The following OVCH2 variants were observed in gnomAD, a reference collection of about 807,000 sequenced individuals.
OVCH2 encodes the protein ovochymase-2.
Under a neutral mutation model 73.7 loss-of-function variants are expected in OVCH2, and 88 were observed. The ratio of observed to expected loss-of-function variants is 1.19; its 90% CI spans 1.01 to 1.43. OVCH2 has a LOEUF of 1.43. Ranked by LOEUF, OVCH2 falls within the 40% of genes most tolerant of loss-of-function variation. OVCH2 has a pLI of 0.00. For synonymous variants in OVCH2, 265 were observed against 234.5 expected, an observed-to-expected ratio of 1.13 and a Z score of -1.19; for missense variants, 706 against 674.5, an observed-to-expected ratio of 1.05 and a Z score of -0.52.
chr11:7,704,478 C>G (rs113993026), intron 2 of OVCH2, 87 bp downstream of exon 2: 1 of 895,210 alleles, frequency 1.1e-6, no homozygotes. Context: ...GCTGTAGGCT[C>G]CTCAAAGATA....
At chr11:7,693,293 G>A (rs1199011946) in intron 12 of OVCH2, among the ~76,000 whole-genome samples, 1 of 152,160 alleles carries the variant, frequency 6.6e-6, no homozygotes, top group African/African-American at 2.4e-5. Context: ...GTGGGGAGGG[G>A]GACCTGTATC....
At chr11:7,706,113 C>T in intron 1 of OVCH2, 194 bp downstream of exon 1, 3 of 541,468 alleles carry the variant, frequency 5.5e-6, no homozygotes, top group Non-Finnish European at 9.6e-6. Context: ...TAGTTGCATT[C>T]TATAAATGTT....
At chr11:7,700,130 T>C (rs1856407067) in intron 7 of OVCH2, 166 bp downstream of exon 7, 1 of 653,192 alleles carries the variant, frequency 1.5e-6, no homozygotes, top group Non-Finnish European at 2.6e-6. Context: ...CATATTTTAC[T>C]CTTGTTTTAT....
downstream of OVCH2, among the ~76,000 whole-genome samples, chr11:7,684,801 G>A (rs542694040): frequency 3.5e-4 from 53 of 152,224 alleles, 1 homozygote; most frequent in Admixed American, 1.0e-3. Context: ...GGAGCTTCCT[G>A]AGGAGGAACT....
downstream of OVCH2, among the ~76,000 whole-genome samples, chr11:7,688,075 G>T (rs527879368): frequency 1.1e-4 from 16 of 152,154 alleles, no homozygotes; most frequent in Non-Finnish European, 2.1e-4. Context: ...TCAGTCCACA[G>T]CAAAACCTAA....
At chr11:7,696,889 C>G (rs1856347283) in intron 8 of OVCH2, 90 bp from the exon 9 acceptor site, 1 of 1,176,012 alleles carries the variant, frequency 8.5e-7, no homozygotes, top group Non-Finnish European at 1.2e-6. Context: ...CCATAGCCTC[C>G]TGGTTCTTCT....
intron 7 of OVCH2, chr11:7,699,247 G>T (rs1456431157): frequency 6.4e-6 from 1 of 156,108 alleles, no homozygotes; most frequent in African/African-American, 2.4e-5. Flanking sequence ...CACCAGATAA[G>T]AAAACAATTA....
chr11:7,705,132 T>C (rs1309688250), intron 1 of OVCH2, among the ~76,000 whole-genome samples: 1 of 152,176 alleles, frequency 6.6e-6, no homozygotes, highest in South Asian at 2.1e-4. Flanking sequence ...GGATTAGAAC[T>C]AGCCTTGCTT....
At chr11:7,684,322 T>A in the OVCH2 span, among the ~76,000 whole-genome samples, 1 of 152,106 alleles carries the variant, frequency 6.6e-6, no homozygotes, top group South Asian at 2.1e-4. Flanking sequence ...CATAGCCTCT[T>A]GTTGAGTCGG....
chr11:7,698,282 G>T (rs1403073359), intron 8 of OVCH2, among the ~76,000 whole-genome samples: 1 of 152,152 alleles, frequency 6.6e-6, no homozygotes, highest in Admixed American at 6.5e-5. Flanking sequence ...AACAACTAAA[G>T]ATTTGAACTA....
chr11:7,691,132 T>C, intron 14 of OVCH2, 137 bp downstream of exon 14: 2 of 1,097,324 alleles, frequency 1.8e-6, no homozygotes, highest in Non-Finnish European at 2.6e-6. Context: ...TTATTCAGTG[T>C]CCATGGTGAC....
downstream of OVCH2, among the ~76,000 whole-genome samples, chr11:7,687,152 A>G (rs1856150374): frequency 6.6e-6 from 1 of 151,994 alleles, no homozygotes; most frequent in Admixed American, 6.6e-5. Flanking sequence ...AAAAGAATAT[A>G]TTTTCAGGGG....
chr11:7,700,437 T>C lies in OVCH2; in HGVS notation c.760A>G (p.Thr254Ala). 2 of 1,611,586 alleles carry C rather than the reference T, an allele frequency of 1.2e-6. No individual in the cohort carries two copies. The highest frequency in any genetic ancestry group is 1.7e-6 in the Non-Finnish European group (2 of 1,178,912). ...LMCRNKKGAWTLAGVTSWGLG... is the reference protein window; with the variant it reads ...LMCRNKKGAWALAGVTSWGLG... ...CCCCAGGAAGTCACACCAGCCAGAG[T>C]CCAGGCCCCTTTCTTATTCCGGCAC... is the stretch of plus-strand genomic sequence containing the variant. The change falls in exon 7 of 16, where the codon ACT becomes GCT. Residue 254 changes from threonine (T) to alanine (A), a missense_variant. By Grantham distance (58) the Thr-to-Ala change is moderately conservative. Coordinates refer to ENST00000533663, the MANE Select transcript of OVCH2 (RefSeq NM_198185.7).
chr11:7,700,818 A>T (rs1308992850), intron 6 of OVCH2, among the ~76,000 whole-genome samples: 1 of 152,198 alleles, frequency 6.6e-6, no homozygotes, highest in Non-Finnish European at 1.5e-5. Context: ...GGAAGAATGG[A>T]GGAAAAGTGT....
chr11:7,685,272 G>A (rs573822912), downstream of OVCH2, among the ~76,000 whole-genome samples: 1 of 152,302 alleles, frequency 6.6e-6, no homozygotes, highest in East Asian at 1.9e-4. Flanking sequence ...GCCTATGGGA[G>A]CAGACTTGTA....
chr11:7,698,474 C>A (rs933607742), intron 8 of OVCH2, among the ~76,000 whole-genome samples: 1 of 152,152 alleles, frequency 6.6e-6, no homozygotes, highest in Non-Finnish European at 1.5e-5. Flanking sequence ...CTGACCACAT[C>A]GGCACTGCCT....
chr11:7,702,155 AC>A lies in OVCH2; in HGVS notation c.463+1del. 1 of 1,603,334 alleles carries A rather than the reference AC, an allele frequency of 6.2e-7. No homozygotes were observed. Among genetic ancestry groups the A allele is most frequent in the African/African-American group, 1.3e-5 (1 of 74,580 alleles). ...AATTCAGTATGATCCTCAAATGTTT[AC>A]CAAATTGGAAGGCTCCAGCCATCTT... On this transcript the variant is annotated splice_donor_variant, in intron 4 of 15. Coordinates refer to ENST00000533663, the MANE Select transcript of OVCH2 (RefSeq NM_198185.7). LOFTEE classifies it high-confidence loss of function.
chr11:7,692,465 G>T (rs1045891850), intron 12 of OVCH2, among the ~76,000 whole-genome samples: 1 of 152,134 alleles, frequency 6.6e-6, no homozygotes, highest in Non-Finnish European at 1.5e-5. Context: ...TCTACCCAGC[G>T]GGATATAGCT....
downstream of OVCH2, among the ~76,000 whole-genome samples, chr11:7,689,064 T>C (rs751263266): frequency 1.3e-5 from 2 of 152,226 alleles, no homozygotes; most frequent in Non-Finnish European, 2.9e-5. Context: ...TCAGCTTAGC[T>C]AGGTGACAAT....
Sources: allele counts gnomAD v4.1 joint callset (sites outside exome capture counted in the v4.1 genomes callset), GRCh38; gene constraint gnomAD v4.1.1; transcripts MANE v1.5; gene names NCBI Gene and HGNC (gene_info 2026-07-23, HGNC 2026-07-21).